Variants in ACSL4 observed in about 807,000 individuals in gnomAD.
ACSL4 encodes the protein long-chain-fatty-acid--CoA ligase 4.
ACSL4 carries 9 observed loss-of-function variants against 49.1 expected under a neutral mutation model. The ratio of observed to expected loss-of-function variants is 0.18; its 90% CI spans 0.11 to 0.32. The LOEUF is 0.32. ACSL4 is among the 10% of genes least tolerant of loss of function. The pLI, the probability that ACSL4 is intolerant of heterozygous loss-of-function variation, is 1.00. For synonymous variants in ACSL4, 191 were observed against 170.3 expected, an observed-to-expected ratio of 1.12 and a Z score of -0.95; for missense variants, 333 against 493.7, an observed-to-expected ratio of 0.67 and a Z score of 3.08.
chrX:109,648,053 G>T (rs1934812355), intron 15 of ACSL4, among the ~76,000 whole-genome samples: 1 of 111,505 alleles, frequency 9.0e-6, no homozygotes, highest in African/African-American at 3.3e-5. Flanking sequence ...ACAAAAAAAA[G>T]CCCATGACCA....
At chrX:109,717,774 G>A (rs1174096970) in intron 1 of ACSL4, among the ~76,000 whole-genome samples, 1 of 111,927 alleles carries the variant, frequency 8.9e-6, no homozygotes, top group Non-Finnish European at 1.9e-5. Flanking sequence ...ACTCACAGCC[G>A]TGTCCAACCC....
intron 1 of ACSL4, among the ~76,000 whole-genome samples, chrX:109,729,893 A>AT (rs1928295180): frequency 8.9e-6 from 1 of 112,424 alleles, no homozygotes; most frequent in Non-Finnish European, 1.9e-5. Flanking sequence ...TTATATAAGC[A>AT]TTTTTGAAAT....
intron 15 of ACSL4, among the ~76,000 whole-genome samples, chrX:109,645,320 G>C (rs1445134539): frequency 2.7e-5 from 3 of 112,402 alleles, no homozygotes; most frequent in Non-Finnish European, 5.6e-5. Flanking sequence ...CGCAGCTGGA[G>C]ATCTGAGAAT....
intron 1 of ACSL4, among the ~76,000 whole-genome samples, chrX:109,722,514 A>G (rs777796728): frequency 2.8e-4 from 31 of 111,937 alleles, no homozygotes; most frequent in Non-Finnish European, 4.5e-4. Context: ...CTTCGCTAAA[A>G]TCAAACTCCA....
At chrX:109,682,589 G>A (rs752299576) in intron 4 of ACSL4, 130 bp downstream of exon 4, 28 of 741,636 alleles carry the variant, frequency 3.8e-5, no homozygotes, top group East Asian at 6.4e-5. Flanking sequence ...ATTACATGCC[G>A]TATTATGGAC....
intron 1 of ACSL4, among the ~76,000 whole-genome samples, chrX:109,723,529 G>A (rs1269032868): frequency 9.0e-6 from 1 of 111,358 alleles, no homozygotes; most frequent in Non-Finnish European, 1.9e-5. Flanking sequence ...GAACTCCTAT[G>A]TCAGTGTATA....
rs192914034 is a variant in ACSL4, at chrX:109,678,391, G to A, written c.680C>T (p.Thr227Met). The A allele has an allele frequency of 2.5e-5, 30 of 1,210,407 alleles. No individual in the cohort carries two copies. Among genetic ancestry groups the A allele is most frequent in the Middle Eastern group, 4.6e-4 (2 of 4,349 alleles). The change falls in exon 7 of 16, where the codon ACG (threonine) becomes ATG (methionine). Residue 227 changes from threonine to methionine, a missense_variant. Physicochemically the swap from Thr to Met is moderately conservative, Grantham distance 81. This residue lies in a region of ACSL4 where 157 missense variants were observed against 201.1 expected (regional missense o/e 0.78). Transcript: ENST00000672401. Reference sequence around the variant, plus strand: ...CATAACAATGGCCATGTCTGAAGGCGTTGGTCTACTTGGAGGAATGCCCAC... The same window carrying A: ...CATAACAATGGCCATGTCTGAAGGCATTGGTCTACTTGGAGGAATGCCCAC... ...ENLGIPPSRPTPSDMAIVMYT... is the reference protein window; with the variant it reads ...ENLGIPPSRPMPSDMAIVMYT...
chrX:109,681,474 C>A (rs928817798), intron 4 of ACSL4, 99 bp from the exon 5 acceptor site: 2 of 592,188 alleles, frequency 3.4e-6, no homozygotes, highest in Admixed American at 3.1e-5. Context: ...CTTAGAGACA[C>A]AAAGACATTG....
chrX:109,641,730 G>T lies in ACSL4; in HGVS notation c.*2299C>A, dbSNP rs968863880. 1.8e-5 allele frequency: 2 copies of T among 112,163 alleles called. No individual in the cohort carries two copies. Among genetic ancestry groups the T allele is most frequent in the African/African-American group, 3.2e-5 (1 of 30,882 alleles). 9.2% of individuals were successfully genotyped at this position (112,163 alleles called of 1,213,427 possible). A position where few individuals can be genotyped will look rare whatever the true frequency, so the allele number is the denominator to read the frequency against. On this transcript the variant is annotated 3_prime_UTR_variant, in exon 16 of 16. Coordinates refer to ENST00000672401, the MANE Select transcript of ACSL4 (RefSeq NM_001318510.2). ...TATACCTCTACTCTAGAGAAAAAAA[G>T]AATAAATACAAATATCAAGGAGGCA...
At chrX:109,673,717 G>T (rs1923455913) in intron 9 of ACSL4, among the ~76,000 whole-genome samples, 1 of 111,398 alleles carries the variant, frequency 9.0e-6, no homozygotes, top group Admixed American at 9.6e-5. Flanking sequence ...AAGATATTGG[G>T]GTAAGATTTC....
chrX:109,674,669 C>T (rs772410366), intron 8 of ACSL4, among the ~76,000 whole-genome samples, 196 bp from the exon 9 acceptor site: 3 of 112,282 alleles, frequency 2.7e-5, no homozygotes, highest in Admixed American at 9.5e-5. Flanking sequence ...GCTTCTAGCA[C>T]ATTTCACCTT....
intron 10 of ACSL4, among the ~76,000 whole-genome samples, chrX:109,668,778 T>C (rs1163909203): frequency 8.9e-6 from 1 of 111,773 alleles, no homozygotes; most frequent in Non-Finnish European, 1.9e-5. Context: ...CTATTTTAGT[T>C]TTTCTTCATG....
intron 1 of ACSL4, among the ~76,000 whole-genome samples, chrX:109,707,324 T>C (rs965327762): frequency 1.2e-4 from 14 of 112,264 alleles, no homozygotes; most frequent in Non-Finnish European, 2.3e-4. Flanking sequence ...AATTACTCAG[T>C]GCTGCCAAAA....
At chrX:109,665,863 C>T (rs1922589595) in intron 11 of ACSL4, among the ~76,000 whole-genome samples, 1 of 111,649 alleles carries the variant, frequency 9.0e-6, no homozygotes, top group Non-Finnish European at 1.9e-5. Context: ...CCTCCATTTC[C>T]TCATCTATGA....
At chrX:109,666,458 G>A (rs1922644678) in intron 11 of ACSL4, among the ~76,000 whole-genome samples, 1 of 111,403 alleles carries the variant, frequency 9.0e-6, no homozygotes, top group Non-Finnish European at 1.9e-5. Flanking sequence ...AAATGATGTT[G>A]GATAAGTACA....
At chrX:109,658,023 G>A (rs1186078056) in intron 15 of ACSL4, among the ~76,000 whole-genome samples, 1 of 111,392 alleles carries the variant, frequency 9.0e-6, no homozygotes, top group Non-Finnish European at 1.9e-5. Flanking sequence ...CTTCTTTTGA[G>A]AAGTGTCTGT....
intron 2 of ACSL4, among the ~76,000 whole-genome samples, chrX:109,684,372 T>C (rs1924422451): frequency 8.9e-6 from 1 of 112,882 alleles, no homozygotes; most frequent in Non-Finnish European, 1.9e-5. Context: ...TTAACACTTA[T>C]GAGTCAACTA....
At chrX:109,721,907 C>G (rs1172684830) in intron 1 of ACSL4, among the ~76,000 whole-genome samples, 1 of 111,490 alleles carries the variant, frequency 9.0e-6, no homozygotes, top group Non-Finnish European at 1.9e-5. Context: ...TAGAGAAACT[C>G]TATCCTGATT....
Position 109,659,343 on chromosome X carries a change from T to C in ACSL4, c.1855+11A>G, listed in dbSNP as rs116830999. On this transcript the variant is annotated intron_variant, in intron 15 of 15. Transcript: ENST00000672401. ...TTAGGGACTATACCAGTCTAGCAAT[T>C]TCTTACTTACTGGCATTTGCAGCTT... The C allele has an allele frequency of 1.4e-3, 1,681 of 1,204,409 alleles. 16 individuals are homozygous for C. In the African/African-American group the frequency reaches 0.027, roughly 19 times the overall value.
Sources: allele counts gnomAD v4.1 joint callset (sites outside exome capture counted in the v4.1 genomes callset), GRCh38; gene constraint gnomAD v4.1.1; regional missense constraint gnomAD v4.1.1; transcripts MANE v1.5; gene names NCBI Gene and HGNC (gene_info 2026-07-23, HGNC 2026-07-21).